DNAH7: variants seen among roughly 807,000 people sequenced by gnomAD.
DNAH7 encodes axonemal beta dynein heavy chain 7.
Under a neutral mutation model 444.6 loss-of-function variants are expected in DNAH7, and 397 were observed. The observed-to-expected ratio is 0.89, with a 90% CI of 0.82 to 0.97. DNAH7 has a LOEUF of 0.97. DNAH7 is among the 50% of genes least tolerant of loss of function. DNAH7 has a pLI of 0.00. For missense variants in DNAH7, 4,902 were observed against 4,800.8 expected (o/e 1.02, Z -0.62); for synonymous variants, 1,636 against 1,624.4 (o/e 1.01, Z -0.17).
intron 48 of DNAH7, among the ~76,000 whole-genome samples, chr2:195,832,739 G>A (rs1213969783): frequency 6.6e-6 from 1 of 152,142 alleles, no homozygotes; most frequent in African/African-American, 2.4e-5. Flanking sequence ...ACTGTGTCCA[G>A]CCTACTTAAA....
intron 19 of DNAH7, among the ~76,000 whole-genome samples, chr2:195,954,917 G>C (rs562709171): frequency 1.2e-4 from 19 of 152,166 alleles, no homozygotes; most frequent in Non-Finnish European, 2.4e-4. Flanking sequence ...GTAGAATCTG[G>C]ATATTAGCCC....
In DNAH7 at chr2:195,796,508, G is replaced by A. The variant is rs555040881; in HGVS notation, c.10515+68C>T. 646 of 1,548,136 alleles carry A rather than the reference G, an allele frequency of 4.2e-4. 7 individuals carry two copies. The highest frequency in any genetic ancestry group is 8.0e-4 in the Admixed American group (46 of 57,578). On this transcript the variant is annotated intron_variant, in intron 56 of 64. Coordinates refer to ENST00000312428, the MANE Select transcript of DNAH7 (RefSeq NM_018897.3). ...AAATTAGAGGGGAATGGAGCTACCC[G>A]AATGTTATGTATATTACTAATTAGA...
In DNAH7 at chr2:195,913,738, G is replaced by A. The variant is rs140296739; in HGVS notation, c.3936-3543C>T. The stretch of plus-strand genomic sequence containing the variant: ...GTTGTTTGGTTTTTTGTTTTGAGAC[G>A]GAGTCTCGCTCTGTCGTCCAGGCTG... On this transcript the variant is annotated intron_variant, in intron 24 of 64. Coordinates refer to ENST00000312428, the MANE Select transcript of DNAH7 (RefSeq NM_018897.3). Among the ~76,000 whole-genome samples the A allele has an allele frequency of 9.2e-5, 14 of 152,144 alleles. 1 individual carries two copies. Among genetic ancestry groups the A allele is most frequent in the Middle Eastern group, 6.8e-3 (2 of 294 alleles).
chr2:195,869,804 G>A (rs1441293588), intron 40 of DNAH7, among the ~76,000 whole-genome samples: 1 of 152,138 alleles, frequency 6.6e-6, no homozygotes, highest in Non-Finnish European at 1.5e-5. Flanking sequence ...ACTTTTATCC[G>A]AAATTCCTCT....
intron 30 of DNAH7, chr2:195,894,050 A>G (rs369097670): frequency 1.3e-3 from 195 of 152,330 alleles, no homozygotes; most frequent in African/African-American, 4.6e-3. Context: ...GTAAAGAAAC[A>G]AAACAGCATG....
At chr2:196,049,187 T>G (rs1348717578) in intron 3 of DNAH7, among the ~76,000 whole-genome samples, 1 of 152,216 alleles carries the variant, frequency 6.6e-6, no homozygotes, top group Non-Finnish European at 1.5e-5. Flanking sequence ...TACTGGCTTC[T>G]CTTTCTGCCT....
chr2:195,921,666 C>CA (rs1484454002), intron 24 of DNAH7, among the ~76,000 whole-genome samples: 16 of 152,226 alleles, frequency 1.1e-4, no homozygotes, highest in African/African-American at 3.9e-4. Context: ...GTGATGGGTG[C>CA]ACCAAATCTC....
chr2:195,929,600 T>A (rs1688556591), intron 21 of DNAH7, among the ~76,000 whole-genome samples: 1 of 152,028 alleles, frequency 6.6e-6, no homozygotes, highest in African/African-American at 2.4e-5. Context: ...TTTGACAAAG[T>A]CAACAAAAAT....
chr2:195,752,519 G>A (rs1209219668), intron 63 of DNAH7, among the ~76,000 whole-genome samples: 3 of 152,114 alleles, frequency 2.0e-5, no homozygotes. Context: ...ATTTGCATTT[G>A]GAGGACATAA....
intron 5 of DNAH7, 136 bp from the exon 6 acceptor site, chr2:196,028,183 C>T (rs1695810034): frequency 1.5e-6 from 1 of 660,078 alleles, no homozygotes; most frequent in Non-Finnish European, 2.5e-6. Flanking sequence ...TTACAAACAG[C>T]ATACACATTT....
Position 195,875,831 on chromosome 2 carries a change from C to T in DNAH7, c.6130G>A (p.Asp2044Asn), listed in dbSNP as rs771910134. Reference protein sequence around the residue: ...PLGKRMVVFVDDVNMPAREVY... With the variant: ...PLGKRMVVFVNDVNMPAREVY... The stretch of plus-strand genomic sequence containing the variant: ...TCCCGAGCAGGCATATTGACATCAT[C>T]TACAAAGACAACCTGAGAATGAGAA... Residue 2044 changes from aspartate (D) to asparagine (N), a missense_variant, in exon 38 of 65, where the codon GAT becomes AAT. Transcript: ENST00000312428. The T allele has an allele frequency of 6.2e-7, 1 of 1,602,056 alleles. No individual in the cohort carries two copies. Among genetic ancestry groups the T allele is most frequent in the East Asian group, 2.2e-5 (1 of 44,818 alleles).
chr2:196,050,944 T>C (rs1697428227), intron 3 of DNAH7, among the ~76,000 whole-genome samples: 2 of 152,220 alleles, frequency 1.3e-5, no homozygotes, highest in Non-Finnish European at 2.9e-5. Flanking sequence ...ATACTCCTTT[T>C]GCTAACCAAT....
intron 48 of DNAH7, among the ~76,000 whole-genome samples, chr2:195,828,251 G>A (rs937636457): frequency 1.3e-5 from 2 of 152,114 alleles, no homozygotes; most frequent in African/African-American, 4.8e-5. Flanking sequence ...GCTTAAATTA[G>A]GATACAAATA....
chr2:195,808,839 C>T lies in DNAH7; in HGVS notation c.9926G>A (p.Gly3309Asp). Residue 3309 changes from glycine (G) to aspartate (D), a missense_variant, in exon 53 of 65, where the codon GGC becomes GAC. By Grantham distance (94) the Gly-to-Asp change is moderately conservative. Transcript: ENST00000312428. Reference sequence around the variant, plus strand: ...GGCATAAGGATTATCCAGTCCAATGCCACCAGTTAGCAGAAATCTCCACTC... The same window carrying T: ...GGCATAAGGATTATCCAGTCCAATGTCACCAGTTAGCAGAAATCTCCACTC... ...KAEWRFLLTG[G>D]IGLDNPYANL... 1 of 1,613,688 alleles carries T rather than the reference C, an allele frequency of 6.2e-7. No individual in the cohort carries two copies. Among genetic ancestry groups the T allele is most frequent in the Non-Finnish European group, 8.5e-7 (1 of 1,179,846 alleles).
intron 17 of DNAH7, among the ~76,000 whole-genome samples, chr2:195,968,714 G>A (rs1691647771): frequency 6.6e-6 from 1 of 152,152 alleles, no homozygotes; most frequent in Non-Finnish European, 1.5e-5. Context: ...TCCAGTCCTT[G>A]TAACCTAGAC....
intron 63 of DNAH7, among the ~76,000 whole-genome samples, chr2:195,748,240 T>C (rs1693549153): frequency 6.6e-6 from 1 of 152,068 alleles, no homozygotes; most frequent in African/African-American, 2.4e-5. Context: ...TCACAACTTA[T>C]TCAAAGAGAA....
At chr2:196,016,865 T>G (rs1559337971) in intron 9 of DNAH7, among the ~76,000 whole-genome samples, 5 of 152,198 alleles carry the variant, frequency 3.3e-5, no homozygotes, top group Admixed American at 1.3e-4. Flanking sequence ...AAAGAAATTC[T>G]GCTGTAAAGA....
At chr2:195,778,669 T>TATATATACAC (rs1446625777) in intron 58 of DNAH7, among the ~76,000 whole-genome samples, 1 of 64,064 alleles carries the variant, frequency 1.6e-5, no homozygotes, top group African/African-American at 7.8e-5. Flanking sequence ...TATATATATA[T>TATATATACAC]ACACACACAC....
chr2:195,885,076 C>T (rs560317585), intron 34 of DNAH7, among the ~76,000 whole-genome samples: 4 of 152,228 alleles, frequency 2.6e-5, no homozygotes, highest in African/African-American at 9.6e-5. Context: ...TAGTAAATCT[C>T]ACATTTTCAA....
Sources: allele counts gnomAD v4.1 joint callset (sites outside exome capture counted in the v4.1 genomes callset), GRCh38; gene constraint gnomAD v4.1.1; transcripts MANE v1.5; gene names NCBI Gene and HGNC (gene_info 2026-07-23, HGNC 2026-07-21).